The following DNAH9 variants were observed in gnomAD, a reference collection of about 807,000 sequenced individuals.
DNAH9 encodes dynein axonemal heavy chain 9.
A neutral mutation model predicts 471.6 loss-of-function variants in DNAH9; 345 were observed. The observed-to-expected ratio is 0.73, with a 90% CI of 0.67 to 0.80. The LOEUF (loss-of-function observed/expected upper bound fraction) is 0.80, where lower values mean the gene tolerates loss of function less well. DNAH9 is among the 30% of genes least tolerant of loss of function. DNAH9 has a pLI of 0.00. For synonymous variants in DNAH9, 2,093 were observed against 2,123.6 expected (o/e 0.99, Z 0.40); for missense variants, 5,407 against 5,609.2 (o/e 0.96, Z 1.15).
chr17:11,778,943 T>C (rs758259113), intron 38 of DNAH9, among the ~76,000 whole-genome samples: 3 of 151,914 alleles, frequency 2.0e-5, no homozygotes, highest in Non-Finnish European at 4.4e-5. Flanking sequence ...GAGGCAGAGG[T>C]TGCAGTAAGC....
At position 11,738,907 on chromosome 17, in the gene DNAH9, G is replaced by A; in HGVS notation, c.5842G>A (p.Asp1948Asn). The change falls in exon 29 of 69, where the codon GAT (aspartate) becomes AAT (asparagine). Residue 1948 changes from aspartate (D) to asparagine (N), a missense_variant. Coordinates refer to ENST00000262442, the MANE Select transcript of DNAH9 (RefSeq NM_001372.4). ...QVKSIQDAIR[D>N]KKQWFSFLGE... ...AAAAAGCATTCAAGATGCGATTAGA[G>A]ATAAGAAGCAGTGGTTCAGCTTCCT... The A allele has an allele frequency of 6.2e-7, 1 of 1,614,152 alleles. No individual in the cohort carries two copies.
At chr17:11,866,003 T>G (rs558991208) in intron 50 of DNAH9, among the ~76,000 whole-genome samples, 1 of 152,330 alleles carries the variant, frequency 6.6e-6, no homozygotes, top group African/African-American at 2.4e-5. Flanking sequence ...GTCTGAAGCC[T>G]TCTTCTCTCA....
chr17:11,850,254 A>G (rs575424465), intron 49 of DNAH9, among the ~76,000 whole-genome samples: 1 of 152,324 alleles, frequency 6.6e-6, no homozygotes, highest in African/African-American at 2.4e-5. Flanking sequence ...CATCGGGCAG[A>G]TATTTGGGGA....
At position 11,606,443 on chromosome 17, in the gene DNAH9, C is replaced by CTTTTTTTTTTTTTTTTTTTTT. The variant is rs1404986645; in HGVS notation, c.418-1682_418-1681insTTTTTTTTTTTTTTTTTTTTT. On this transcript the variant is annotated intron_variant, in intron 1 of 68. Coordinates refer to ENST00000262442, the MANE Select transcript of DNAH9 (RefSeq NM_001372.4). Reference sequence around the variant, plus strand: ...CTGACAACTTTCTTTCTTTTCTTTTCTTTTCTTTTCTTTTTTTTTTTTTTG... The same window carrying CTTTTTTTTTTTTTTTTTTTTT: ...CTGACAACTTTCTTTCTTTTCTTTTCTTTTTTTTTTTTTTTTTTTTTTTTTCTTTTCTTTTTTTTTTTTTTG... Among the ~76,000 whole-genome samples, 28 of 69,136 alleles carry CTTTTTTTTTTTTTTTTTTTTT rather than the reference C, an allele frequency of 4.0e-4. 3 individuals are homozygous for CTTTTTTTTTTTTTTTTTTTTT. Among genetic ancestry groups the CTTTTTTTTTTTTTTTTTTTTT allele is most frequent in the East Asian group, 2.3e-3 (4 of 1,730 alleles). 45.4% of individuals were successfully genotyped at this position (69,136 alleles called of 152,430 possible). A position where few individuals can be genotyped will look rare whatever the true frequency, so the allele number is the denominator to read the frequency against.
At chr17:11,648,022 T>C (rs2073427982) in intron 12 of DNAH9, among the ~76,000 whole-genome samples, 1 of 152,192 alleles carries the variant, frequency 6.6e-6, no homozygotes, top group African/African-American at 2.4e-5. Context: ...ATCAGAAGGA[T>C]GGAAGACCAG....
intron 15 of DNAH9, 135 bp downstream of exon 15, chr17:11,665,103 A>T: frequency 1.3e-6 from 1 of 741,086 alleles, no homozygotes. Flanking sequence ...AATGATGCAC[A>T]GGAAAACAGA....
intron 19 of DNAH9, among the ~76,000 whole-genome samples, chr17:11,681,288 G>T (rs896115237): frequency 2.0e-5 from 3 of 152,104 alleles, no homozygotes; most frequent in African/African-American, 7.2e-5. Flanking sequence ...ATTTCATTTT[G>T]GCAGCATAAA....
rs375486976 is a variant in DNAH9 at position 11,930,018 on chromosome 17, C to G, written c.12030C>G (p.Asn4010Lys). 1 of 1,614,156 alleles carries G rather than the reference C, an allele frequency of 6.2e-7. No individual in the cohort carries two copies. The highest frequency in any genetic ancestry group is 2.2e-5 in the East Asian group (1 of 44,866). The stretch of plus-strand genomic sequence containing the variant: ...TCATCCCCCAGGGCATCCTGGAGAA[C>G]TCCATTAAGATCACCAATGAGCCCC... The part of the protein sequence containing the change: ...GHIIPQGILE[N>K]SIKITNEPPT... The change falls in exon 63 of 69, where the codon AAC (asparagine) becomes AAG (lysine). Residue 4010 changes from asparagine to lysine, a missense_variant. Physicochemically the swap from Asn to Lys is moderately conservative, Grantham distance 94 (BLOSUM62 0). Coordinates refer to ENST00000262442, the MANE Select transcript of DNAH9 (RefSeq NM_001372.4).
chr17:11,765,435 A>C (rs993797947), intron 36 of DNAH9, among the ~76,000 whole-genome samples: 6 of 152,226 alleles, frequency 3.9e-5, no homozygotes, highest in Admixed American at 3.9e-4. Flanking sequence ...TTGGACAAAA[A>C]AGAATTTGCA....
intron 26 of DNAH9, among the ~76,000 whole-genome samples, chr17:11,715,670 T>A (rs1313785759): frequency 6.6e-6 from 1 of 152,218 alleles, no homozygotes; most frequent in Non-Finnish European, 1.5e-5. Flanking sequence ...TTTGCCATTG[T>A]CATAATTGCC....
chr17:11,637,694 T>G lies in DNAH9; in HGVS notation c.1786+910T>G, dbSNP rs142774475. Among the ~76,000 whole-genome samples the G allele has an allele frequency of 4.8e-3, 737 of 152,328 alleles. 6 individuals carry two copies. The highest frequency in any genetic ancestry group is 0.016 in the African/African-American group (672 of 41,574). On this transcript the variant is annotated intron_variant, in intron 9 of 68. Transcript: ENST00000262442. The stretch of plus-strand genomic sequence containing the variant: ...GGTGCTCAATAAGTCGTTATTGGAC[T>G]GAATGGCCTCTGACATCTGAAAAAT...
intron 45 of DNAH9, among the ~76,000 whole-genome samples, chr17:11,821,286 CAAAA>C (rs58010981): frequency 0.039 from 4,775 of 123,810 alleles, 221 homozygotes; most frequent in African/African-American, 0.13. Context: ...AACTCTATCT[CAAAA>C]AAAAAAAAAA....
chr17:11,681,331 G>T (rs1001089510), intron 19 of DNAH9, among the ~76,000 whole-genome samples: 7 of 152,138 alleles, frequency 4.6e-5, no homozygotes, highest in African/African-American at 1.2e-4. Flanking sequence ...TCTTCAGGGG[G>T]TTTCTCTCTG....
intron 23 of DNAH9, among the ~76,000 whole-genome samples, chr17:11,700,384 C>T (rs751453567): frequency 2.0e-5 from 3 of 152,146 alleles, no homozygotes; most frequent in Non-Finnish European, 2.9e-5. Context: ...AAACTACCAC[C>T]GTGCTCCAGG....
In DNAH9 at chr17:11,854,275, T is replaced by A. The variant is rs771464620; in HGVS notation, c.9780T>A (p.Tyr3260Ter). 5 of 1,614,168 alleles carry A rather than the reference T, an allele frequency of 3.1e-6. No individual in the cohort carries two copies. Among genetic ancestry groups the A allele is most frequent in the African/African-American group, 1.3e-5 (1 of 75,038 alleles). ...FNPEFVATKS[Y>*]AAAGLCSWVI... is the part of the protein sequence containing the mutation. ...CTGAGTTTGTGGCCACCAAATCCTA[T>A]GCGGCTGCAGGCCTCTGCTCCTGGG... The change falls in exon 50 of 69, where the codon TAT becomes TAA. Residue 3260 changes from tyrosine (Y) to a stop codon, truncating the protein, a stop_gained. Coordinates refer to ENST00000262442, the MANE Select transcript of DNAH9 (RefSeq NM_001372.4). LOFTEE classifies it high-confidence loss of function.
chr17:11,953,114 ACT>A (rs1360239165), intron 67 of DNAH9, among the ~76,000 whole-genome samples: 2 of 151,944 alleles, frequency 1.3e-5, no homozygotes, highest in East Asian at 1.9e-4. Flanking sequence ...CTCCTTAAAG[ACT>A]CTATTTCCAA....
At chr17:11,724,063 ATTATCAATAATAT>A (rs1237887082) in intron 27 of DNAH9, among the ~76,000 whole-genome samples, 3 of 152,168 alleles carry the variant, frequency 2.0e-5, no homozygotes, top group Admixed American at 6.5e-5. Flanking sequence ...TGATGCACAT[ATTATCAATAATAT>A]TTATCAATAA....
chr17:11,894,638 C>T (rs916764296), intron 59 of DNAH9, 142 bp downstream of exon 59: 15 of 1,110,042 alleles, frequency 1.4e-5, no homozygotes, highest in East Asian at 5.0e-5. Flanking sequence ...CCTTTCCTTG[C>T]GTCCCCACAG....
chr17:11,939,168 G>A (rs1567563975), intron 66 of DNAH9, among the ~76,000 whole-genome samples: 3 of 152,112 alleles, frequency 2.0e-5, no homozygotes, highest in Admixed American at 6.5e-5. Context: ...TTGATGAGGT[G>A]AGCATACTTC....
Sources: gnomAD v4.1 joint callset for allele counts (sites outside exome capture counted in the v4.1 genomes callset) on GRCh38, gnomAD v4.1.1 for gene constraint, MANE v1.5 for transcripts, NCBI Gene and HGNC (gene_info 2026-07-23, HGNC 2026-07-21) for gene names.